The following UPP2 variants were observed in gnomAD, a reference collection of about 807,000 sequenced individuals.
UPP2 encodes UPase 2.
UPP2 carries 23 observed loss-of-function variants against 26.7 expected under a neutral mutation model. That is an observed-to-expected ratio of 0.86 (90% CI 0.62 to 1.22). The LOEUF (loss-of-function observed/expected upper bound fraction) is 1.22. UPP2 is among the 50% of genes most tolerant of loss of function. The pLI, the probability that UPP2 is intolerant of heterozygous loss-of-function variation, is 0.00. For synonymous variants in UPP2, 127 were observed against 141.3 expected, an observed-to-expected ratio of 0.90 and a Z score of 0.72; for missense variants, 387 against 396.7, an observed-to-expected ratio of 0.98 and a Z score of 0.21.
chr2:158,106,140 T>A lies in UPP2; in HGVS notation c.104T>A (p.Met35Lys). 1 of 1,605,330 alleles carries A rather than the reference T, an allele frequency of 6.2e-7. No homozygotes were observed. The highest frequency in any genetic ancestry group is 1.1e-5 in the South Asian group (1 of 88,876). Residue 35 changes from methionine to lysine, a missense_variant, in exon 2 of 7, where the codon ATG becomes AAG. Physicochemically the swap from Met to Lys is moderately conservative, Grantham distance 95. Transcript: ENST00000005756. ...GTTAAAAATCCTTACTTGGATTTGA[T>A]GGATGAAGACATTCTCTATCACTTG... ...VHVKNPYLDL[M>K]DEDILYHLDL...
intron 6 of UPP2, among the ~76,000 whole-genome samples, chr2:158,127,195 T>C (rs547372199): frequency 1.3e-5 from 2 of 152,358 alleles, no homozygotes; most frequent in East Asian, 1.9e-4. Context: ...AAGTCTTGCA[T>C]GACTACCTAC....
chr2:157,995,286 T>C (rs1418709107), intron 2 of UPP2: 1 of 1,611,156 alleles, frequency 6.2e-7, no homozygotes, highest in East Asian at 2.2e-5. Context: ...GAGAAATACA[T>C]TCATGTCTAA....
At chr2:158,055,401 G>T (rs1416912691) in intron 3 of UPP2, among the ~76,000 whole-genome samples, 1 of 152,148 alleles carries the variant, frequency 6.6e-6, no homozygotes, top group Admixed American at 6.5e-5. Context: ...TTACATTGGG[G>T]ATTAAGTTTC....
chr2:158,115,955 T>A (rs1478986023), intron 3 of UPP2, among the ~76,000 whole-genome samples: 1 of 152,108 alleles, frequency 6.6e-6, no homozygotes, highest in African/African-American at 2.4e-5. Context: ...ACTGCAACCC[T>A]CAAAAGAGGC....
intron 3 of UPP2, among the ~76,000 whole-genome samples, chr2:158,084,202 C>T (rs985174703): frequency 6.6e-6 from 1 of 152,038 alleles, no homozygotes; most frequent in Non-Finnish European, 1.5e-5. Flanking sequence ...TATGGCCATT[C>T]TTGCAGGAGT....
At chr2:158,113,686 G>A (rs1479029155) in intron 2 of UPP2, among the ~76,000 whole-genome samples, 1 of 152,138 alleles carries the variant, frequency 6.6e-6, no homozygotes, top group Middle Eastern at 3.2e-3. Context: ...TTTGTGAATG[G>A]GGCCGCCTAT....
At chr2:157,999,927 G>A (rs1683379001) in intron 2 of UPP2, among the ~76,000 whole-genome samples, 1 of 152,076 alleles carries the variant, frequency 6.6e-6, no homozygotes, top group Admixed American at 6.6e-5. Flanking sequence ...TTGCACTAGA[G>A]GGATTAGGAT....
In UPP2 at chr2:158,102,136, T is replaced by C; in HGVS notation, c.62+11T>C. 1.2e-6 allele frequency: 2 copies of C among 1,609,888 alleles called. No individual in the cohort carries two copies. The highest frequency in any genetic ancestry group is 1.7e-6 in the Non-Finnish European group (2 of 1,178,664). On this transcript the variant is annotated intron_variant, in intron 1 of 6. Coordinates refer to ENST00000005756, the MANE Select transcript of UPP2 (RefSeq NM_173355.4). ...GAATACATATGTTGGGTGAGTAATT[T>C]TGATTTTGTAAATTTGTTTTGATCA...
intron 3 of UPP2, among the ~76,000 whole-genome samples, chr2:158,095,099 A>G (rs1682965511): frequency 6.6e-6 from 1 of 152,218 alleles, no homozygotes; most frequent in Non-Finnish European, 1.5e-5. Flanking sequence ...AGGGGCAGAC[A>G]GAAATTGCTC....
At chr2:158,127,084 G>T (rs1333271214) in intron 6 of UPP2, among the ~76,000 whole-genome samples, 1 of 152,176 alleles carries the variant, frequency 6.6e-6, no homozygotes, top group Non-Finnish European at 1.5e-5. Flanking sequence ...GATCTTTCTA[G>T]ATCTACTTAG....
chr2:158,051,280 G>C (rs1682153639), intron 3 of UPP2, among the ~76,000 whole-genome samples: 1 of 151,732 alleles, frequency 6.6e-6, no homozygotes, highest in Admixed American at 6.6e-5. Context: ...TATAAATTGG[G>C]AGGAGCATTT....
upstream of UPP2, among the ~76,000 whole-genome samples, chr2:158,099,639 G>A (rs1027470618): frequency 6.6e-6 from 1 of 152,198 alleles, no homozygotes; most frequent in African/African-American, 2.4e-5. Context: ...AGTCTAGCAG[G>A]CAGGGAAAGA....
intron 3 of UPP2, among the ~76,000 whole-genome samples, chr2:158,067,349 A>G (rs1469549823): frequency 9.3e-5 from 14 of 151,202 alleles, no homozygotes; most frequent in Non-Finnish European, 1.9e-4. Flanking sequence ...ATCTAAATAA[A>G]TAGTGAAATG....
At chr2:158,013,066 C>T (rs1574245307) in intron 2 of UPP2, among the ~76,000 whole-genome samples, 1 of 151,892 alleles carries the variant, frequency 6.6e-6, no homozygotes, top group South Asian at 2.1e-4. Flanking sequence ...TGCAGTGGTG[C>T]AATCGTAGCT....
chr2:158,115,579 G>A (rs779225784), intron 3 of UPP2, among the ~76,000 whole-genome samples: 1 of 152,064 alleles, frequency 6.6e-6, no homozygotes, highest in African/African-American at 2.4e-5. Flanking sequence ...CCCTTACCCA[G>A]CTTTGGGAAT....
chr2:158,072,746 A>G (rs183780398), intron 3 of UPP2, among the ~76,000 whole-genome samples: 132 of 152,344 alleles, frequency 8.7e-4, no homozygotes, highest in Admixed American at 6.0e-3. Flanking sequence ...GAATTCTTCT[A>G]GATTTTATCC....
chr2:158,013,046 C>T (rs1683605272), intron 2 of UPP2, among the ~76,000 whole-genome samples: 1 of 151,978 alleles, frequency 6.6e-6, no homozygotes, highest in Non-Finnish European at 1.5e-5. Context: ...TGCTGTTGCC[C>T]AGGCCGGAGT....
intron 3 of UPP2, among the ~76,000 whole-genome samples, chr2:158,117,141 A>AT (rs1164725656): frequency 6.6e-6 from 1 of 152,038 alleles, no homozygotes; most frequent in Non-Finnish European, 1.5e-5. Flanking sequence ...CTGGAGAGTT[A>AT]TTAGGACATT....
At chr2:158,125,186 A>G (rs1003252758) in intron 6 of UPP2, among the ~76,000 whole-genome samples, 3 of 152,332 alleles carry the variant, frequency 2.0e-5, no homozygotes, top group South Asian at 2.1e-4. Flanking sequence ...CTTCATTTTT[A>G]TAAGTGGAAT....
Sources: gnomAD v4.1 joint callset for allele counts (sites outside exome capture counted in the v4.1 genomes callset) on GRCh38, gnomAD v4.1.1 for gene constraint, MANE v1.5 for transcripts, NCBI Gene and HGNC (gene_info 2026-07-23, HGNC 2026-07-21) for gene names.